CPNE9: variants seen among roughly 807,000 people sequenced by gnomAD.
CPNE9 encodes copine family member 9.
A neutral mutation model predicts 83.0 loss-of-function variants in CPNE9; 59 were observed. The ratio of observed to expected loss-of-function variants is 0.71; its 90% CI spans 0.58 to 0.88. The LOEUF (loss-of-function observed/expected upper bound fraction) is 0.88, where lower values mean the gene tolerates loss of function less well. Ranked by LOEUF, CPNE9 falls within the 40% of genes least tolerant of loss-of-function variation. CPNE9 has a pLI of 0.00. For missense variants in CPNE9, 619 were observed against 720.8 expected, an observed-to-expected ratio of 0.86 and a Z score of 1.62; for synonymous variants, 256 against 273.4, an observed-to-expected ratio of 0.94 and a Z score of 0.63.
chr3:9,729,412 G>A lies in CPNE9; in HGVS notation c.1477-95G>A, dbSNP rs2076809978. The A allele has an allele frequency of 2.7e-6, 4 of 1,476,334 alleles. No individual in the cohort carries two copies. The Admixed American group carries it at 9.1e-5, about 34-fold the overall frequency. 91.5% of individuals were successfully genotyped at this position (1,476,334 alleles called of 1,614,324 possible). ...AGGGAGATACTGTGATAGTTGGAAA[G>A]AGATGCTGGGGATCAAAAAAGAAGC... On this transcript the variant is annotated intron_variant, in intron 20 of 20. Coordinates refer to ENST00000383832, the MANE Select transcript of CPNE9 (RefSeq NM_153635.3).
intron 4 of CPNE9, 134 bp downstream of exon 4, chr3:9,705,128 C>T: frequency 1.4e-6 from 1 of 718,048 alleles, no homozygotes. Context: ...GAATGGCCCC[C>T]TCTAGCCTGA....
At chr3:9,705,127 C>T (rs754667182) in intron 4 of CPNE9, 133 bp downstream of exon 4, 1 of 719,842 alleles carries the variant, frequency 1.4e-6, no homozygotes, top group Non-Finnish European at 2.5e-6. Context: ...TGAATGGCCC[C>T]CTCTAGCCTG....
intron 20 of CPNE9, 105 bp downstream of exon 20, chr3:9,727,291 C>T (rs2076793349): frequency 8.4e-7 from 1 of 1,186,268 alleles, no homozygotes; most frequent in Admixed American, 1.7e-5. Context: ...TACTTTTTTC[C>T]CCCGTCACTC....
At chr3:9,709,863 G>T (rs1299405612) in intron 7 of CPNE9, among the ~76,000 whole-genome samples, 1 of 151,670 alleles carries the variant, frequency 6.6e-6, no homozygotes, top group Non-Finnish European at 1.5e-5. Context: ...GGTGGAGCGT[G>T]CCTGTAATCC....
intron 7 of CPNE9, among the ~76,000 whole-genome samples, chr3:9,707,810 G>A (rs1332428305): frequency 4.8e-5 from 7 of 146,818 alleles, no homozygotes; most frequent in Admixed American, 6.8e-5. Flanking sequence ...AAAAAAAAAC[G>A]TGAAGGAGAA....
At chr3:9,725,686 A>ATATATGTATATATATG (rs767348050) in intron 17 of CPNE9, among the ~76,000 whole-genome samples, 3 of 132,920 alleles carry the variant, frequency 2.3e-5, no homozygotes, top group African/African-American at 8.1e-5. Flanking sequence ...GTATATATAT[A>ATATATGTATATATATG]TACATATATG....
chr3:9,726,103 AG>A, intron 18 of CPNE9, 52 bp downstream of exon 18: 1 of 1,153,234 alleles, frequency 8.7e-7, no homozygotes, highest in East Asian at 2.7e-5. Context: ...AATACTGTGA[AG>A]GGGCTGAGAT....
intron 14 of CPNE9, 63 bp downstream of exon 14, chr3:9,716,098 C>A: frequency 6.9e-7 from 1 of 1,439,944 alleles, no homozygotes; most frequent in South Asian, 1.2e-5. Context: ...GTTCTGAGCC[C>A]CAGGTTTCTT....
chr3:9,711,192 G>T (rs575692639), intron 7 of CPNE9, among the ~76,000 whole-genome samples: 2 of 152,124 alleles, frequency 1.3e-5, no homozygotes, highest in African/African-American at 4.8e-5. Context: ...GGTCCTGGAT[G>T]TGCAAGCGAA....
At position 9,712,995 on chromosome 3, in the gene CPNE9, CAG is replaced by C; in HGVS notation, c.569_570del (p.Glu190GlyfsTer26). ...TCCAGGTTCACCATCTGCCACAAGA[CAG>C]AGGTTGTGAAAAACACGCTGAATCC... On this transcript the variant is annotated frameshift_variant, in exon 10 of 21. Coordinates refer to ENST00000383832, the MANE Select transcript of CPNE9 (RefSeq NM_153635.3). LOFTEE classifies it high-confidence loss of function. 1.2e-6 allele frequency: 2 copies of C among 1,614,180 alleles called. No individual in the cohort carries two copies. Among genetic ancestry groups the C allele is most frequent in the Non-Finnish European group, 8.5e-7 (1 of 1,180,000 alleles).
At chr3:9,706,200 TAGA>T in intron 7 of CPNE9, 137 bp downstream of exon 7, 1 of 704,760 alleles carries the variant, frequency 1.4e-6, no homozygotes, top group Non-Finnish European at 2.4e-6. Flanking sequence ...ATCACCCTCG[TAGA>T]AAAGTCCAAT....
In CPNE9 at chr3:9,729,732, C is replaced by G. The variant is rs769851659; in HGVS notation, c.*40C>G. On this transcript the variant is annotated 3_prime_UTR_variant, in exon 21 of 21. Transcript: ENST00000383832. Reference sequence around the variant, plus strand: ...CAATGCCTCACAGTCTGCAAGCCTGCTCACCCACTGCTTCTGCTTTAAGCC... The same window carrying G: ...CAATGCCTCACAGTCTGCAAGCCTGGTCACCCACTGCTTCTGCTTTAAGCC... The G allele has an allele frequency of 4.5e-6, 7 of 1,568,978 alleles. No individual in the cohort carries two copies. Among genetic ancestry groups the G allele is most frequent in the Non-Finnish European group, 6.1e-6 (7 of 1,151,074 alleles).
At chr3:9,707,613 G>C (rs1422520880) in intron 7 of CPNE9, among the ~76,000 whole-genome samples, 1 of 151,142 alleles carries the variant, frequency 6.6e-6, no homozygotes, top group African/African-American at 2.4e-5. Context: ...CACAAACTGA[G>C]ATAGTAGGGA....
chr3:9,716,215 C>A (rs886571181), intron 14 of CPNE9, among the ~76,000 whole-genome samples, 180 bp downstream of exon 14: 1 of 152,210 alleles, frequency 6.6e-6, no homozygotes, highest in African/African-American at 2.4e-5. Context: ...TCTTAGTTCC[C>A]TTCATGGGGC....
chr3:9,704,216 A>T lies in CPNE9; in HGVS notation c.68+152A>T, dbSNP rs1185786151. 9 of 770,972 alleles carry T rather than the reference A, an allele frequency of 1.2e-5. No homozygotes were observed. 47.8% of individuals were successfully genotyped at this position (770,972 alleles called of 1,614,324 possible). A position where few individuals can be genotyped will look rare whatever the true frequency, so the allele number is the denominator to read the frequency against. ...GATGACAGGGCGAGTAGCTGGTGGG[A>T]TCGAGAAGCGGGGGGTCTTGGGCAG... On this transcript the variant is annotated intron_variant, in intron 1 of 20. Coordinates refer to ENST00000383832, the MANE Select transcript of CPNE9 (RefSeq NM_153635.3). The surrounding 1 kb of genome is among the most constrained non-coding windows in gnomAD (Gnocchi z 7.1).
At chr3:9,705,143 T>C in intron 4 of CPNE9, 149 bp downstream of exon 4, 1 of 674,210 alleles carries the variant, frequency 1.5e-6, no homozygotes, top group South Asian at 1.7e-5. Context: ...GCCTGAGCCC[T>C]GCCCTTTTAT....
At chr3:9,705,164 C>A in intron 4 of CPNE9, 170 bp downstream of exon 4, 2 of 657,388 alleles carry the variant, frequency 3.0e-6, no homozygotes, top group Non-Finnish European at 5.5e-6. Flanking sequence ...GAGATGCGGT[C>A]CAGTTCCGTC....
At chr3:9,708,682 G>A (rs916954326) in intron 7 of CPNE9, among the ~76,000 whole-genome samples, 2 of 150,512 alleles carry the variant, frequency 1.3e-5, no homozygotes, top group African/African-American at 4.9e-5. Context: ...CACCCAGCTG[G>A]AGTGCAGTGG....
chr3:9,714,017 G>A (rs1265928439), intron 10 of CPNE9, among the ~76,000 whole-genome samples: 1 of 152,060 alleles, frequency 6.6e-6, no homozygotes, highest in African/African-American at 2.4e-5. Flanking sequence ...AGCTTACAGT[G>A]AGCCGAGATC....
Sources: allele counts gnomAD v4.1 joint callset (sites outside exome capture counted in the v4.1 genomes callset), GRCh38; gene constraint gnomAD v4.1.1; non-coding constraint Gnocchi (gnomAD v3.1); transcripts MANE v1.5; gene names NCBI Gene and HGNC (gene_info 2026-07-23, HGNC 2026-07-21).